CWC25: variants seen among roughly 807,000 people sequenced by gnomAD.
CWC25 encodes CWC25 spliceosome associated protein, also known as pre-mRNA-splicing factor CWC25 homolog.
Under a neutral mutation model 54.6 loss-of-function variants are expected in CWC25, and 31 were observed. The ratio of observed to expected loss-of-function variants is 0.57; its 90% CI spans 0.43 to 0.77. The LOEUF is 0.77. Ranked by LOEUF, CWC25 falls within the 30% of genes least tolerant of loss-of-function variation. The pLI, the probability that CWC25 is intolerant of heterozygous loss-of-function variation, is 0.00. For synonymous variants in CWC25, 151 were observed against 187.0 expected (o/e 0.81, Z 1.57); for missense variants, 453 against 529.3 (o/e 0.86, Z 1.41).
chr17:38,805,258 C>A (rs1456339333), intron 8 of CWC25, among the ~76,000 whole-genome samples: 1 of 151,826 alleles, frequency 6.6e-6, no homozygotes, highest in Non-Finnish European at 1.5e-5. Flanking sequence ...CTGGGAGATA[C>A]AACAAGATGC....
intron 8 of CWC25, among the ~76,000 whole-genome samples, chr17:38,803,745 A>C (rs563445414): frequency 2.0e-5 from 3 of 150,326 alleles, no homozygotes; most frequent in East Asian, 1.9e-4. Flanking sequence ...AAAAAAAAAA[A>C]CAAAAACGAT....
chr17:38,812,633 C>CA (rs1268289339), intron 4 of CWC25, among the ~76,000 whole-genome samples, 162 bp downstream of exon 4: 1 of 151,328 alleles, frequency 6.6e-6, no homozygotes, highest in Admixed American at 6.6e-5. Context: ...GTCTCAAAAA[C>CA]AAAAAAATGA....
At chr17:38,824,852 T>A (rs1363760550) in intron 1 of CWC25, among the ~76,000 whole-genome samples, 1 of 152,038 alleles carries the variant, frequency 6.6e-6, no homozygotes, top group Non-Finnish European at 1.5e-5. Flanking sequence ...ACGTCCTCCA[T>A]ATCTACCTCC....
intron 2 of CWC25, chr17:38,815,806 C>T (rs778248626): frequency 5.6e-5 from 31 of 549,868 alleles, no homozygotes; most frequent in Non-Finnish European, 8.4e-5. Context: ...TCAGTGACCA[C>T]ATACGCAGTT....
At chr17:38,818,947 C>A (rs1030955812) in intron 2 of CWC25, among the ~76,000 whole-genome samples, 1 of 152,098 alleles carries the variant, frequency 6.6e-6, no homozygotes, top group Non-Finnish European at 1.5e-5. Flanking sequence ...AATGTCAAAA[C>A]AATTTTTACC....
intron 4 of CWC25, among the ~76,000 whole-genome samples, chr17:38,811,353 G>A (rs1196886658): frequency 3.3e-5 from 5 of 151,790 alleles, no homozygotes; most frequent in Non-Finnish European, 7.4e-5. Flanking sequence ...CTAACACGGT[G>A]AAACACCATC....
At position 38,801,934 on chromosome 17, in the gene CWC25, G is replaced by A. The variant is rs1598065375; in HGVS notation, c.*158C>T. On this transcript the variant is annotated 3_prime_UTR_variant, in exon 10 of 10. Transcript: ENST00000614790. The stretch of plus-strand genomic sequence containing the variant: ...AAAGCAAGTCACACTAGCTCTCAAA[G>A]GAAGTGAGCTGTTTCAGGACTCAAT... The A allele has an allele frequency of 2.0e-6, 1 of 512,320 alleles. No homozygotes were observed. Among genetic ancestry groups the A allele is most frequent in the Non-Finnish European group, 3.5e-6 (1 of 288,376 alleles). 31.7% of individuals were successfully genotyped at this position (512,320 alleles called of 1,614,324 possible). A position where few individuals can be genotyped will look rare whatever the true frequency, so the allele number is the denominator to read the frequency against.
chr17:38,819,173 C>T (rs1416702984), intron 2 of CWC25, among the ~76,000 whole-genome samples: 1 of 152,012 alleles, frequency 6.6e-6, no homozygotes, highest in Non-Finnish European at 1.5e-5. Context: ...CAGGCACATG[C>T]CACCATGCCC....
chr17:38,807,322 CAAAA>C (rs57710053), intron 6 of CWC25, among the ~76,000 whole-genome samples: 1 of 56,528 alleles, frequency 1.8e-5, no homozygotes. Flanking sequence ...GACTCCGTCT[CAAAA>C]AAAAAAAAAA....
At chr17:38,821,434 C>T in intron 1 of CWC25, among the ~76,000 whole-genome samples, 1 of 152,136 alleles carries the variant, frequency 6.6e-6, no homozygotes, top group East Asian at 1.9e-4. Context: ...GGCAGGTGCG[C>T]CTGTAGTCCC....
intron 2 of CWC25, 124 bp downstream of exon 2, chr17:38,820,777 C>T: frequency 8.7e-7 from 1 of 1,155,932 alleles, no homozygotes; most frequent in Non-Finnish European, 1.2e-6. Context: ...CCTTAGAATC[C>T]AGGTGAGTCT....
chr17:38,815,639 A>G (rs1008162920), intron 2 of CWC25: 131 of 1,281,910 alleles, frequency 1.0e-4, no homozygotes, highest in Admixed American at 2.5e-4. Flanking sequence ...AGCAATTTAT[A>G]AGGAAAACCA....
At chr17:38,802,981 C>G in intron 8 of CWC25, 120 bp from the exon 9 acceptor site, 1 of 1,139,128 alleles carries the variant, frequency 8.8e-7, no homozygotes, top group Non-Finnish European at 1.3e-6. Context: ...TCTCCAAGTG[C>G]AAGGCCAGCC....
chr17:38,802,849 T>G lies in CWC25; in HGVS notation c.1014A>C (p.Ala338=). Residue 338 remains alanine (A), a synonymous_variant, in exon 9 of 10, where the codon GCA becomes GCC. Transcript: ENST00000614790. ...HAPGYTRKLS[A]EELERKRQEM... ...CTTGCCGTTTTCGCTCTAATTCCTC[T>G]GCAGAGAGTTTTCTGTTGAGCACAG... 8 of 1,613,968 alleles carry G rather than the reference T, an allele frequency of 5.0e-6. No homozygotes were observed. Among genetic ancestry groups the G allele is most frequent in the Non-Finnish European group, 6.8e-6 (8 of 1,179,880 alleles).
At chr17:38,807,038 G>C (rs149573743) in intron 6 of CWC25, 62 bp from the exon 7 acceptor site, 1 of 1,400,042 alleles carries the variant, frequency 7.1e-7, no homozygotes, top group Non-Finnish European at 9.9e-7. Flanking sequence ...AGGAGAAAAC[G>C]CGGCCGGGCT....
intron 2 of CWC25, among the ~76,000 whole-genome samples, chr17:38,820,490 C>T (rs1055735325): frequency 6.6e-6 from 1 of 152,086 alleles, no homozygotes; most frequent in Non-Finnish European, 1.5e-5. Flanking sequence ...ACTCCCTGCC[C>T]CCTGTCCCCG....
chr17:38,807,128 G>A (rs113945703), intron 6 of CWC25, among the ~76,000 whole-genome samples, 152 bp from the exon 7 acceptor site: 1 of 151,958 alleles, frequency 6.6e-6, no homozygotes, highest in African/African-American at 2.4e-5. Context: ...TTCGAGACCA[G>A]CCTGGCCAAC....
chr17:38,815,781 C>T (rs1911672545), intron 2 of CWC25: 2 of 818,038 alleles, frequency 2.4e-6, no homozygotes, highest in Non-Finnish European at 3.3e-6. Flanking sequence ...CACCATCTTA[C>T]CATCAAGAAC....
At chr17:38,807,073 G>A (rs900655249) in intron 6 of CWC25, 97 bp from the exon 7 acceptor site, 1 of 947,434 alleles carries the variant, frequency 1.1e-6, no homozygotes, top group Non-Finnish European at 1.6e-6. Flanking sequence ...TGTAATCCCA[G>A]CACTTTGGGA....
Sources: allele counts gnomAD v4.1 joint callset (sites outside exome capture counted in the v4.1 genomes callset), GRCh38; gene constraint gnomAD v4.1.1; transcripts MANE v1.5; gene names NCBI Gene and HGNC (gene_info 2026-07-23, HGNC 2026-07-21).